SORD: variants seen among roughly 807,000 people sequenced by gnomAD.
SORD encodes (R,R)-butanediol dehydrogenase.
In SORD, 18 loss-of-function variants were observed where a neutral mutation model predicts 35.6. The observed-to-expected ratio is 0.51, with a 90% CI of 0.35 to 0.75. The LOEUF is 0.75. Among genes scored for constraint, SORD ranks in the 30% least tolerant of loss-of-function variants. The probability of loss-of-function intolerance (pLI) is 0.01; values close to 1 mark genes in which losing one functional copy is unlikely to be tolerated. For missense variants in SORD, 250 were observed against 390.2 expected (o/e 0.64, Z 3.03); for synonymous variants, 106 against 152.9 (o/e 0.69, Z 2.26).
intron 1 of SORD, 51 bp downstream of exon 1, chr15:45,023,400 C>T: frequency 7.0e-7 from 1 of 1,431,994 alleles, no homozygotes; most frequent in Admixed American, 2.6e-5. Context: ...TCACTCTCCT[C>T]TGAGCCCAGC....
At chr15:45,057,297 G>A (rs1893232799) in intron 3 of SORD, among the ~76,000 whole-genome samples, 1 of 152,022 alleles carries the variant, frequency 6.6e-6, no homozygotes, top group African/African-American at 2.4e-5. Context: ...TGATTTTTAG[G>A]TTTTTTGCTT....
intron 1 of SORD, among the ~76,000 whole-genome samples, chr15:45,034,605 C>T (rs1399778262): frequency 6.6e-6 from 1 of 152,266 alleles, no homozygotes; most frequent in Non-Finnish European, 1.5e-5. Context: ...TGAGTTACTT[C>T]AGGAGTGGGC....
chr15:45,026,813 T>C (rs1328487310), intron 1 of SORD, among the ~76,000 whole-genome samples: 8 of 152,208 alleles, frequency 5.3e-5, no homozygotes, highest in African/African-American at 1.7e-4. Context: ...GCCATCCTAC[T>C]TGAGATAAGG....
At chr15:45,057,406 T>G (rs1043543292) in intron 3 of SORD, among the ~76,000 whole-genome samples, 1 of 152,268 alleles carries the variant, frequency 6.6e-6, no homozygotes, top group African/African-American at 2.4e-5. Context: ...TAATGTCTTA[T>G]GAAATTTTCA....
intron 5 of SORD, among the ~76,000 whole-genome samples, chr15:45,065,919 C>CA (rs1226471971): frequency 2.0e-5 from 3 of 150,798 alleles, no homozygotes; most frequent in Admixed American, 6.6e-5. Context: ...GACCCTGTCT[C>CA]AAAAAAAACA....
chr15:45,056,915 G>A (rs1893227001), intron 3 of SORD, among the ~76,000 whole-genome samples: 1 of 152,210 alleles, frequency 6.6e-6, no homozygotes, highest in East Asian at 1.9e-4. Context: ...TTACAAGGCT[G>A]TGGTAGAAAC....
intron 1 of SORD, among the ~76,000 whole-genome samples, chr15:45,038,246 T>C (rs983527735): frequency 3.3e-5 from 5 of 151,882 alleles, no homozygotes; most frequent in Non-Finnish European, 5.9e-5. Context: ...CCTTAAGCCC[T>C]TTTGCCCCCA....
intron 1 of SORD, among the ~76,000 whole-genome samples, 190 bp from the exon 2 acceptor site, chr15:45,040,218 G>A (rs2141269105): frequency 6.6e-6 from 1 of 152,022 alleles, no homozygotes; most frequent in East Asian, 1.9e-4. Context: ...GAAGGGCTAG[G>A]CAGGTGTGTG....
At chr15:45,036,651 G>A (rs1429927173) in intron 1 of SORD, among the ~76,000 whole-genome samples, 5 of 152,166 alleles carry the variant, frequency 3.3e-5, no homozygotes, top group Admixed American at 6.5e-5. Context: ...GCAGTGAGCC[G>A]AGATCGTGCC....
intron 3 of SORD, among the ~76,000 whole-genome samples, chr15:45,046,491 C>T (rs1326997301): frequency 1.3e-5 from 2 of 152,198 alleles, no homozygotes; most frequent in Non-Finnish European, 2.9e-5. Flanking sequence ...GATCAGCCCT[C>T]CTCGGCCTCC....
In SORD at chr15:45,073,606, T is replaced by C; in HGVS notation, c.*76T>C. 2 of 1,468,384 alleles carry C rather than the reference T, an allele frequency of 1.4e-6. No homozygotes were observed. The highest frequency in any genetic ancestry group is 2.3e-5 in the Admixed American group (1 of 44,298). 91.0% of individuals were successfully genotyped at this position (1,468,384 alleles called of 1,614,324 possible). A position where few individuals can be genotyped will look rare whatever the true frequency, so the allele number is the denominator to read the frequency against. ...ATGGCTGGACATGGGTGGGCTCTGA[T>C]GCAGAACTTTCTCTTTTGAATGTTA... On this transcript the variant is annotated 3_prime_UTR_variant, in exon 9 of 9. Transcript: ENST00000267814.
chr15:45,069,194 C>CTTTTTCT (rs1893463731), intron 7 of SORD, 142 bp downstream of exon 7: 1 of 116,272 alleles, frequency 8.6e-6, no homozygotes, highest in Non-Finnish European at 1.8e-5. Flanking sequence ...TTTTCTTTTT[C>CTTTTTCT]TTTTTTTTTT....
At chr15:45,056,221 G>T (rs1893212173) in intron 3 of SORD, among the ~76,000 whole-genome samples, 1 of 152,082 alleles carries the variant, frequency 6.6e-6, no homozygotes, top group Non-Finnish European at 1.5e-5. Flanking sequence ...CAGATGACAT[G>T]ATTGTATATC....
At chr15:45,038,152 C>T (rs145592408) in intron 1 of SORD, among the ~76,000 whole-genome samples, 1,516 of 136,876 alleles carry the variant, frequency 0.011, 27 homozygotes, top group South Asian at 0.068. Flanking sequence ...TCCTTCCTTC[C>T]TTCCTTCCTT....
At position 45,072,563 on chromosome 15, in the gene SORD, A is replaced by T. The variant is rs1595511217; in HGVS notation, c.908+125A>T. On this transcript the variant is annotated intron_variant, in intron 8 of 8. Transcript: ENST00000267814. ...TGGGGGGCACTCCCTGGCCACACTGATAGCTGTGTGATATAACAGGGATCC... is the reference window on the plus strand; with the variant it reads ...TGGGGGGCACTCCCTGGCCACACTGTTAGCTGTGTGATATAACAGGGATCC... 4 of 522,128 alleles carry T rather than the reference A, an allele frequency of 7.7e-6. No individual in the cohort carries two copies. In the East Asian group the frequency reaches 1.0e-4, roughly 13 times the overall value. The allele number at this position is 522,128 out of a possible 1,614,324, so 32.3% of individuals were successfully genotyped here. A position where few individuals can be genotyped will look rare whatever the true frequency, so the allele number is the denominator to read the frequency against.
intron 1 of SORD, chr15:45,036,353 G>T (rs1439279269): frequency 2.2e-6 from 1 of 455,910 alleles, no homozygotes; most frequent in Non-Finnish European, 4.4e-6. Flanking sequence ...TGGTAAAGAA[G>T]AATTACTCAA....
At chr15:45,023,541 CTAG>C (rs1892623220) in intron 1 of SORD, among the ~76,000 whole-genome samples, 192 bp downstream of exon 1, 1 of 152,264 alleles carries the variant, frequency 6.6e-6, no homozygotes, top group Non-Finnish European at 1.5e-5. Flanking sequence ...GGGCAGGGAT[CTAG>C]TCGTGTGCCT....
intron 3 of SORD, among the ~76,000 whole-genome samples, chr15:45,048,604 A>C (rs1378353876): frequency 1.3e-5 from 2 of 152,176 alleles, no homozygotes; most frequent in Non-Finnish European, 2.9e-5. Context: ...GGTGGCATGC[A>C]CCTATAGTCC....
intron 3 of SORD, among the ~76,000 whole-genome samples, chr15:45,046,549 A>G (rs1215867421): frequency 6.6e-6 from 1 of 152,206 alleles, no homozygotes; most frequent in Non-Finnish European, 1.5e-5. Flanking sequence ...CCAGCTAAAT[A>G]CAGACATATT....
Sources: allele counts gnomAD v4.1 joint callset (sites outside exome capture counted in the v4.1 genomes callset), GRCh38; gene constraint gnomAD v4.1.1; transcripts MANE v1.5; gene names NCBI Gene and HGNC (gene_info 2026-07-23, HGNC 2026-07-21).